The following ALK variants were observed in gnomAD, a reference collection of about 807,000 sequenced individuals.
ALK encodes ALK receptor tyrosine kinase.
In ALK, 74 loss-of-function variants were observed where a neutral mutation model predicts 163.1. That is an observed-to-expected ratio of 0.45 (90% confidence interval 0.38 to 0.55). The LOEUF (loss-of-function observed/expected upper bound fraction) is 0.55, where lower values mean the gene tolerates loss of function less well. Ranked by LOEUF, ALK falls within the 20% of genes least tolerant of loss-of-function variation. The pLI is 0.00. For missense variants in ALK, 2,063 were observed against 2,105.3 expected (o/e 0.98, Z 0.39); for synonymous variants, 960 against 843.2 (o/e 1.14, Z -2.40).
At chr2:29,287,367 T>C (rs780134767) in intron 9 of ALK, among the ~76,000 whole-genome samples, 3 of 152,246 alleles carry the variant, frequency 2.0e-5, no homozygotes, top group Non-Finnish European at 2.9e-5. Flanking sequence ...CTGTTGGCCT[T>C]GTGTCTTACA....
intron 3 of ALK, among the ~76,000 whole-genome samples, chr2:29,684,742 T>C (rs2148281683): frequency 6.6e-6 from 1 of 152,310 alleles, no homozygotes; most frequent in South Asian, 2.1e-4. Context: ...CTAATGAGGG[T>C]GAGTCTTCTG....
intron 2 of ALK, among the ~76,000 whole-genome samples, chr2:29,708,310 C>G (rs1014408735): frequency 1.3e-5 from 2 of 152,226 alleles, no homozygotes; most frequent in East Asian, 3.9e-4. Flanking sequence ...CTCAGGTAAT[C>G]CACCCACCCT....
At chr2:29,251,718 C>G (rs1316946402) in intron 11 of ALK, among the ~76,000 whole-genome samples, 1 of 152,186 alleles carries the variant, frequency 6.6e-6, no homozygotes, top group Non-Finnish European at 1.5e-5. Flanking sequence ...AACAGGTGCT[C>G]AATCTGTGCT....
intron 12 of ALK, among the ~76,000 whole-genome samples, chr2:29,243,260 G>C (rs985057458): frequency 1.3e-5 from 2 of 152,168 alleles, no homozygotes; most frequent in Admixed American, 6.5e-5. Flanking sequence ...TAAATTTTCT[G>C]CCCAAGGTGC....
intron 3 of ALK, among the ~76,000 whole-genome samples, chr2:29,553,178 G>T (rs1176297520): frequency 6.6e-6 from 1 of 152,106 alleles, no homozygotes; most frequent in Non-Finnish European, 1.5e-5. Flanking sequence ...AAGCGATTTA[G>T]TCATGAGGGC....
At chr2:29,206,799 G>A (rs1241778778) in intron 26 of ALK, among the ~76,000 whole-genome samples, 1 of 148,842 alleles carries the variant, frequency 6.7e-6, no homozygotes, top group Non-Finnish European at 1.5e-5. Flanking sequence ...GTGTGTGTGT[G>A]TATGTATGTG....
At chr2:29,599,618 G>T (rs1451149006) in intron 3 of ALK, among the ~76,000 whole-genome samples, 1 of 152,228 alleles carries the variant, frequency 6.6e-6, no homozygotes, top group Non-Finnish European at 1.5e-5. Context: ...ATTTGAACTT[G>T]AAGACACTTG....
At chr2:29,767,423 T>C (rs1292920793) in intron 1 of ALK, among the ~76,000 whole-genome samples, 1 of 152,156 alleles carries the variant, frequency 6.6e-6, no homozygotes, top group African/African-American at 2.4e-5. Context: ...ATTTTAAAAA[T>C]GAAAAATCTC....
chr2:29,227,118 C>A lies in ALK; in HGVS notation c.2915-44G>T, dbSNP rs1363161055. 3 of 1,613,648 alleles carry A rather than the reference C, an allele frequency of 1.9e-6. No individual in the cohort carries two copies. The highest frequency in any genetic ancestry group is 2.5e-6 in the Non-Finnish European group (3 of 1,179,790). ...GGTCAGTCTTGGGCCGAGCCTGCCT[C>A]CCCACTCCCAGCCTCAGTACTATGT... On this transcript the variant is annotated intron_variant, in intron 17 of 28. Transcript: ENST00000389048. This position sits in a 1 kb window ranked among gnomAD's most constrained non-coding sequence, Gnocchi z 4.4.
chr2:29,391,971 T>C (rs1284104322), intron 4 of ALK, among the ~76,000 whole-genome samples: 5 of 152,196 alleles, frequency 3.3e-5, no homozygotes, highest in Non-Finnish European at 7.3e-5. Flanking sequence ...GAAGATCACA[T>C]GGGTTGAGAT....
chr2:29,899,352 C>A (rs992634471), intron 1 of ALK, among the ~76,000 whole-genome samples: 2 of 152,132 alleles, frequency 1.3e-5, no homozygotes, highest in Non-Finnish European at 2.9e-5. Context: ...TTGCCCCCTG[C>A]AAGCAGCTGT....
At chr2:29,650,227 G>A (rs1677000336) in intron 3 of ALK, among the ~76,000 whole-genome samples, 1 of 152,166 alleles carries the variant, frequency 6.6e-6, no homozygotes, top group Non-Finnish European at 1.5e-5. Flanking sequence ...AGCTATAAAA[G>A]TCCTAATCTT....
intron 3 of ALK, among the ~76,000 whole-genome samples, chr2:29,669,487 C>G (rs1160505994): frequency 6.6e-6 from 1 of 151,876 alleles, no homozygotes; most frequent in Non-Finnish European, 1.5e-5. Context: ...CTATGTGTGT[C>G]TTTTGTATGT....
chr2:29,786,260 C>T (rs1265803798), intron 1 of ALK, among the ~76,000 whole-genome samples: 4 of 152,032 alleles, frequency 2.6e-5, no homozygotes, highest in Admixed American at 1.3e-4. Context: ...CTATAGAACC[C>T]GAGAAGGATA....
chr2:29,465,985 C>A (rs1054313578), intron 4 of ALK, among the ~76,000 whole-genome samples: 7 of 152,030 alleles, frequency 4.6e-5, no homozygotes, highest in African/African-American at 1.7e-4. Context: ...ATGTAAAGAT[C>A]TTATACTATA....
At chr2:29,877,624 A>T (rs1213875885) in intron 1 of ALK, among the ~76,000 whole-genome samples, 1 of 152,164 alleles carries the variant, frequency 6.6e-6, no homozygotes, top group Non-Finnish European at 1.5e-5. Flanking sequence ...TGTTTAACTG[A>T]ATGAATTCAT....
At chr2:29,867,107 G>A (rs1431994458) in intron 1 of ALK, among the ~76,000 whole-genome samples, 1 of 152,182 alleles carries the variant, frequency 6.6e-6, no homozygotes, top group Non-Finnish European at 1.5e-5. Flanking sequence ...AGCCCCTCCA[G>A]ATTCTGCAAG....
chr2:29,875,607 G>A (rs116246891), intron 1 of ALK, among the ~76,000 whole-genome samples: 1,812 of 151,962 alleles, frequency 0.012, 34 homozygotes, highest in African/African-American at 0.04. Context: ...GACAGGCCCC[G>A]GCGTGTGATG....
intron 8 of ALK, among the ~76,000 whole-genome samples, chr2:29,306,245 T>G (rs1666506296): frequency 1.3e-5 from 2 of 152,188 alleles, no homozygotes; most frequent in East Asian, 3.8e-4. Flanking sequence ...TTCCACCCAT[T>G]TTTCAGATGC....
Sources: allele counts gnomAD v4.1 joint callset (sites outside exome capture counted in the v4.1 genomes callset), GRCh38; gene constraint gnomAD v4.1.1; non-coding constraint Gnocchi (gnomAD v3.1); transcripts MANE v1.5; gene names NCBI Gene and HGNC (gene_info 2026-07-23, HGNC 2026-07-21).